Variants in LPP observed in about 807,000 individuals in gnomAD.
LPP encodes the protein lipoma-preferred partner.
In LPP, 38 loss-of-function variants were observed where a neutral mutation model predicts 60.4. The observed-to-expected ratio is 0.63, with a 90% confidence interval of 0.49 to 0.83. The LOEUF (loss-of-function observed/expected upper bound fraction) is 0.83, where lower values mean the gene tolerates loss of function less well. Ranked by LOEUF, LPP falls within the 40% of genes least tolerant of loss-of-function variation. The pLI is 0.00. For synonymous variants in LPP, 328 were observed against 290.8 expected, an observed-to-expected ratio of 1.13 and a Z score of -1.30; for missense variants, 902 against 783.6, an observed-to-expected ratio of 1.15 and a Z score of -1.80.
At position 188,878,277 on chromosome 3, in the gene LPP, G is replaced by A. The variant is rs920266178; in HGVS notation, c.*3798G>A. ...CTTCCATTATCAAGTTTTGAAGGGT[G>A]TTGGGGAAATTATGGCAGCTGCTAG... On this transcript the variant is annotated 3_prime_UTR_variant, in exon 12 of 12. Coordinates refer to ENST00000617246, the MANE Select transcript of LPP (RefSeq NM_001375462.1). The A allele has an allele frequency of 4.5e-6, 1 of 220,352 alleles. No homozygotes were observed. Among genetic ancestry groups the A allele is most frequent in the African/African-American group, 2.2e-5 (1 of 44,570 alleles). 13.6% of individuals were successfully genotyped at this position (220,352 alleles called of 1,614,324 possible).
intron 6 of LPP, among the ~76,000 whole-genome samples, chr3:188,545,556 G>C (rs948544324): frequency 1.3e-5 from 2 of 152,046 alleles, no homozygotes; most frequent in Non-Finnish European, 2.9e-5. Context: ...TCTGTGAAAT[G>C]AGCCCATGTG....
intron 6 of LPP, among the ~76,000 whole-genome samples, chr3:188,525,863 A>G (rs1173936683): frequency 2.0e-5 from 3 of 152,148 alleles, no homozygotes; most frequent in Non-Finnish European, 4.4e-5. Context: ...GTGCCTTGTT[A>G]GTTTTTCTTT....
intron 1 of LPP, among the ~76,000 whole-genome samples, chr3:188,222,798 C>T (rs1716286587): frequency 6.6e-6 from 1 of 152,106 alleles, no homozygotes; most frequent in African/African-American, 2.4e-5. Context: ...TTGTTTTGAG[C>T]TCCTTTAACT....
intron 6 of LPP, among the ~76,000 whole-genome samples, chr3:188,540,733 G>A (rs1824939973): frequency 6.6e-6 from 1 of 152,176 alleles, no homozygotes; most frequent in Admixed American, 6.5e-5. Flanking sequence ...TGCATTAGAA[G>A]ATCTTATTGT....
At chr3:188,394,501 T>A (rs559849025) in intron 3 of LPP, among the ~76,000 whole-genome samples, 2 of 152,112 alleles carry the variant, frequency 1.3e-5, no homozygotes, top group South Asian at 2.1e-4. Context: ...ATGTTAAACT[T>A]CTGTATTGGT....
intron 7 of LPP, among the ~76,000 whole-genome samples, chr3:188,630,847 A>T (rs922926825): frequency 6.6e-6 from 1 of 152,230 alleles, no homozygotes; most frequent in African/African-American, 2.4e-5. Flanking sequence ...TGCAGCCATG[A>T]AAAGAGCGAG....
At chr3:188,633,541 CAG>C (rs1286675795) in intron 7 of LPP, among the ~76,000 whole-genome samples, 1 of 152,140 alleles carries the variant, frequency 6.6e-6, no homozygotes, top group Non-Finnish European at 1.5e-5. Context: ...CCTCTGTCTA[CAG>C]TGAATGAACA....
At chr3:188,648,675 G>A (rs112266178) in intron 7 of LPP, among the ~76,000 whole-genome samples, 29 of 152,126 alleles carry the variant, frequency 1.9e-4, no homozygotes, top group African/African-American at 7.0e-4. Context: ...TAAATAAATA[G>A]TACCCTCATT....
At chr3:188,684,222 TA>T (rs1196789667) in intron 7 of LPP, among the ~76,000 whole-genome samples, 1 of 152,242 alleles carries the variant, frequency 6.6e-6, no homozygotes, top group Non-Finnish European at 1.5e-5. Context: ...CAAGTTCCAT[TA>T]GACAGTTTTA....
chr3:188,634,161 G>C (rs1025072739), intron 7 of LPP, among the ~76,000 whole-genome samples: 1 of 152,110 alleles, frequency 6.6e-6, no homozygotes, highest in Non-Finnish European at 1.5e-5. Flanking sequence ...CTTTCTTTTC[G>C]TTTCTTTTCT....
intron 5 of LPP, among the ~76,000 whole-genome samples, chr3:188,513,588 A>G (rs1215075826): frequency 6.6e-6 from 1 of 151,978 alleles, no homozygotes; most frequent in Non-Finnish European, 1.5e-5. Flanking sequence ...ATGCAAATTG[A>G]CCTTTATTTT....
chr3:188,199,112 G>A (rs182004831), intron 1 of LPP, among the ~76,000 whole-genome samples: 23 of 152,282 alleles, frequency 1.5e-4, no homozygotes, highest in Non-Finnish European at 4.4e-5. Context: ...CGTTAACCAG[G>A]CCTGTTGGTC....
chr3:188,592,557 G>GTTGTTTGTTTTTTTTTTTTTTTTTTT lies in LPP; in HGVS notation c.430-16602_430-16601insGTTTGTTTTTTTTTTTTTTTTTTTTT, dbSNP rs1553936334. 1.0e-4 allele frequency among the ~76,000 whole-genome samples: 9 copies of GTTGTTTGTTTTTTTTTTTTTTTTTTT among 85,752 alleles called. 2 individuals carry two copies. The highest frequency in any genetic ancestry group is 2.6e-4 in the Admixed American group (2 of 7,670). The allele number at this position is 85,752 out of a possible 152,430, so 56.3% of individuals were successfully genotyped here. ...TATCACTGTTTTTAGTTTTGTTTTTGTTTTTTAAATGGAGTCTCACTCTTT... is the reference window on the plus strand; with the variant it reads ...TATCACTGTTTTTAGTTTTGTTTTTGTTGTTTGTTTTTTTTTTTTTTTTTTTTTTTTTAAATGGAGTCTCACTCTTT... On this transcript the variant is annotated intron_variant, in intron 6 of 11. Transcript: ENST00000617246.
chr3:188,610,094 G>A lies in LPP; in HGVS notation c.1113+250G>A, dbSNP rs2151382713. 6.6e-6 allele frequency among the ~76,000 whole-genome samples: 1 copy of A among 152,292 alleles called. No individual in the cohort carries two copies. The highest frequency in any genetic ancestry group is 1.9e-4 in the East Asian group (1 of 5,180). On this transcript the variant is annotated intron_variant, in intron 7 of 11. Transcript: ENST00000617246. The surrounding 1 kb of genome is among the most constrained non-coding windows in gnomAD (Gnocchi z 4.4). The stretch of plus-strand genomic sequence containing the variant: ...AGAGAATCATCTTCCAAAGCCCACA[G>A]ACACCATAGCATCTGAGGACAAAGT...
In LPP at chr3:188,713,058, A is replaced by G. The variant is rs564400660; in HGVS notation, c.1240+4665A>G. Among the ~76,000 whole-genome samples the G allele has an allele frequency of 2.0e-5, 3 of 152,362 alleles. No homozygotes were observed. In the South Asian group the frequency reaches 6.2e-4, roughly 32 times the overall value. ...CACCTCACAGATGACTTAAGTACAA[A>G]GGAGAAAAGGAACTTTTATAATGGA... On this transcript the variant is annotated intron_variant, in intron 8 of 11. Transcript: ENST00000617246.
At chr3:188,801,392 C>T (rs1747222427) in intron 9 of LPP, among the ~76,000 whole-genome samples, 1 of 152,084 alleles carries the variant, frequency 6.6e-6, no homozygotes, top group African/African-American at 2.4e-5. Flanking sequence ...ATAATAGCTT[C>T]AACATATATT....
At position 188,314,727 on chromosome 3, in the gene LPP, A is replaced by G. The variant is rs1195959596; in HGVS notation, c.-66-26936A>G. The stretch of plus-strand genomic sequence containing the variant: ...TCCCAGCTACTCGGGAGGCTGAGGC[A>G]GGAGGATCGCTTGAACCCGGGAGGC... On this transcript the variant is annotated intron_variant, in intron 2 of 11. Coordinates refer to ENST00000617246, the MANE Select transcript of LPP (RefSeq NM_001375462.1). 2.0e-5 allele frequency among the ~76,000 whole-genome samples: 3 copies of G among 152,292 alleles called. No homozygotes were observed. The East Asian group carries it at 5.8e-4, about 29-fold the overall frequency.
intron 4 of LPP, among the ~76,000 whole-genome samples, chr3:188,453,968 T>G (rs1797181262): frequency 6.6e-6 from 1 of 152,216 alleles, no homozygotes; most frequent in Non-Finnish European, 1.5e-5. Flanking sequence ...TATGTCTATC[T>G]TATGTAGTAT....
At chr3:188,624,779 TTTCC>T (rs10662278) in intron 7 of LPP, among the ~76,000 whole-genome samples, 17,787 of 60,950 alleles carry the variant, frequency 0.29, 2,278 homozygotes, top group Admixed American at 0.38. Flanking sequence ...CTTCCTTCCT[TTTCC>T]TTCCTTCCTT....
Sources: gnomAD v4.1 joint callset for allele counts (sites outside exome capture counted in the v4.1 genomes callset) on GRCh38, gnomAD v4.1.1 for gene constraint, Gnocchi (gnomAD v3.1) non-coding constraint, MANE v1.5 for transcripts, NCBI Gene and HGNC (gene_info 2026-07-23, HGNC 2026-07-21) for gene names.